Variants in CCNT1 observed in about 807,000 individuals in gnomAD.
CCNT1 encodes the protein cyclin-T1.
In CCNT1, 18 loss-of-function variants were observed where a neutral mutation model predicts 67.3. The ratio of observed to expected loss-of-function variants is 0.27; its 90% CI spans 0.18 to 0.40. The LOEUF (loss-of-function observed/expected upper bound fraction) is 0.40. CCNT1 is among the 10% of genes least tolerant of loss of function. The pLI is 1.00. For synonymous variants in CCNT1, 333 were observed against 310.3 expected, an observed-to-expected ratio of 1.07 and a Z score of -0.77; for missense variants, 744 against 884.9, an observed-to-expected ratio of 0.84 and a Z score of 2.02.
chr12:48,696,231 C>A, intron 6 of CCNT1, 69 bp from the exon 7 acceptor site: 1 of 274,128 alleles, frequency 3.6e-6, no homozygotes. Context: ...CTAAAACTCT[C>A]CATTATTTAA....
chr12:48,702,806 G>A (rs545831364), intron 3 of CCNT1, among the ~76,000 whole-genome samples: 22 of 151,864 alleles, frequency 1.4e-4, no homozygotes, highest in African/African-American at 5.3e-4. Context: ...GACAGAGCGA[G>A]ACTCCATCTC....
At chr12:48,698,733 G>A (rs1324176145) in intron 5 of CCNT1, among the ~76,000 whole-genome samples, 5 of 152,164 alleles carry the variant, frequency 3.3e-5, no homozygotes, top group South Asian at 2.1e-4. Flanking sequence ...CGAGGTGGGC[G>A]GATCACCTGA....
intron 3 of CCNT1, among the ~76,000 whole-genome samples, chr12:48,701,959 C>T (rs376010980): frequency 1.8e-4 from 27 of 150,034 alleles, no homozygotes; most frequent in South Asian, 2.1e-4. Flanking sequence ...TGCAGTGGCG[C>T]GACCTCGCCT....
At chr12:48,699,231 C>T (rs1334408258) in intron 5 of CCNT1, among the ~76,000 whole-genome samples, 2 of 152,024 alleles carry the variant, frequency 1.3e-5, no homozygotes, top group African/African-American at 4.8e-5. Context: ...TCACAGGAAA[C>T]ACATATTAGT....
rs186152414 is a variant in CCNT1 at position 48,689,770 on chromosome 12, G to A, written c.*3263C>T. The A allele has an allele frequency of 2.1e-4, 32 of 152,216 alleles. No individual in the cohort carries two copies. Among genetic ancestry groups the A allele is most frequent in the Admixed American group, 5.2e-4 (8 of 15,286 alleles). 9.4% of individuals were successfully genotyped at this position (152,216 alleles called of 1,614,324 possible). Reference sequence around the variant, plus strand: ...GGCCCCTCTACAATTGCCTTTACTTGGAAGCCATGTATGTGGAGGAGTATG... The same window carrying A: ...GGCCCCTCTACAATTGCCTTTACTTAGAAGCCATGTATGTGGAGGAGTATG... On this transcript the variant is annotated 3_prime_UTR_variant, in exon 9 of 9. Transcript: ENST00000261900.
At chr12:48,714,366 A>G (rs1245385547) in intron 2 of CCNT1, 77 bp downstream of exon 2, 6 of 913,170 alleles carry the variant, frequency 6.6e-6, no homozygotes, top group Non-Finnish European at 1.1e-5. Flanking sequence ...GTTCAGTAGC[A>G]AAGACCAACC....
At chr12:48,695,707 G>A (rs1018376190) in intron 8 of CCNT1, 52 bp downstream of exon 8, 7 of 1,205,210 alleles carry the variant, frequency 5.8e-6, no homozygotes, top group Non-Finnish European at 8.6e-6. Context: ...ATTCACTGGT[G>A]CAGTCAAAAG....
Position 48,692,937 on chromosome 12 carries a change from G to T in CCNT1, c.*96C>A. ...TCAATTTATTCCCTAGTCCAAGGATGACATATTTCATAAGTAATTTTCTTA... is the reference window on the plus strand; with the variant it reads ...TCAATTTATTCCCTAGTCCAAGGATTACATATTTCATAAGTAATTTTCTTA... On this transcript the variant is annotated 3_prime_UTR_variant, in exon 9 of 9. Coordinates refer to ENST00000261900, the MANE Select transcript of CCNT1 (RefSeq NM_001240.4). The T allele has an allele frequency of 1.3e-6, 1 of 787,298 alleles. No individual in the cohort carries two copies. The highest frequency in any genetic ancestry group is 2.0e-6 in the Non-Finnish European group (1 of 503,716). The allele number at this position is 787,298 out of a possible 1,614,324, so 48.8% of individuals were successfully genotyped here.
At chr12:48,707,887 G>A (rs914339340) in intron 2 of CCNT1, among the ~76,000 whole-genome samples, 1 of 151,682 alleles carries the variant, frequency 6.6e-6, no homozygotes, top group African/African-American at 2.4e-5. Context: ...GTGAAACCCC[G>A]TCTCTACTAA....
intron 2 of CCNT1, among the ~76,000 whole-genome samples, chr12:48,707,592 A>G (rs1940381853): frequency 6.7e-6 from 1 of 149,058 alleles, no homozygotes; most frequent in South Asian, 2.1e-4. Context: ...GATTCTTAAC[A>G]AGAGTGACAC....
intron 2 of CCNT1, among the ~76,000 whole-genome samples, chr12:48,707,422 A>G (rs1940379151): frequency 6.6e-6 from 1 of 151,740 alleles, no homozygotes. Context: ...AGCTGGGATC[A>G]CAGGCACACG....
intron 6 of CCNT1, among the ~76,000 whole-genome samples, chr12:48,696,902 G>A (rs767080002): frequency 1.3e-5 from 2 of 152,032 alleles, no homozygotes; most frequent in Non-Finnish European, 2.9e-5. Flanking sequence ...GGGCAATCTC[G>A]GCTCACAGCA....
At chr12:48,705,737 A>C in intron 3 of CCNT1, 31 bp downstream of exon 3, 1 of 1,577,614 alleles carries the variant, frequency 6.3e-7, no homozygotes, top group Non-Finnish European at 8.6e-7. Flanking sequence ...GAAAAAAATT[A>C]AGAAAAACAG....
rs1940031376 is a variant in CCNT1, at chr12:48,689,077, A to G, written c.*3956T>C. The stretch of plus-strand genomic sequence containing the variant: ...GAAGGACATACTTGCTCTGGCTTCA[A>G]TTAGCATGCTGTCAAGCATCCCTCT... On this transcript the variant is annotated 3_prime_UTR_variant, in exon 9 of 9. Coordinates refer to ENST00000261900, the MANE Select transcript of CCNT1 (RefSeq NM_001240.4). The G allele has an allele frequency of 6.6e-6, 1 of 152,212 alleles. No homozygotes were observed. Among genetic ancestry groups the G allele is most frequent in the African/African-American group, 2.4e-5 (1 of 41,460 alleles). 9.4% of individuals were successfully genotyped at this position (152,212 alleles called of 1,614,324 possible). A position where few individuals can be genotyped will look rare whatever the true frequency, so the allele number is the denominator to read the frequency against.
chr12:48,698,286 T>A, intron 5 of CCNT1, 103 bp from the exon 6 acceptor site: 1 of 808,554 alleles, frequency 1.2e-6, no homozygotes, highest in Non-Finnish European at 1.9e-6. Context: ...TGCAAGGTAC[T>A]GTGAATATAG....
Position 48,693,455 on chromosome 12 carries a change from G to C in CCNT1, c.1759C>G (p.His587Asp). The change falls in exon 9 of 9, where the codon CAT becomes GAT. Residue 587 changes from histidine to aspartate, a missense_variant. By Grantham distance (81) the His-to-Asp change is moderately conservative. Around this residue, in one of 3 missense-constraint regions of CCNT1, gnomAD observed 564 missense variants for 574.2 expected, o/e 0.98. Transcript: ENST00000261900. ...SEETGGAVFD[H>D]PAKIAKSTKS... ...GTACTCTTGGCAATCTTGGCTGGAT[G>C]ATCAAACACAGCCCCTCCAGTCTCT... 6.2e-7 allele frequency: 1 copy of C among 1,614,220 alleles called. No homozygotes were observed. Among genetic ancestry groups the C allele is most frequent in the East Asian group, 2.2e-5 (1 of 44,888 alleles).
At chr12:48,710,955 G>A (rs10875862) in intron 2 of CCNT1, among the ~76,000 whole-genome samples, 41,834 of 151,872 alleles carry the variant, frequency 0.28, 6,995 homozygotes, top group East Asian at 0.76. Context: ...CAGCTACTCG[G>A]GAGGCTGAGA....
intron 3 of CCNT1, among the ~76,000 whole-genome samples, chr12:48,705,471 C>T (rs1940341636): frequency 6.6e-6 from 1 of 150,812 alleles, no homozygotes; most frequent in Non-Finnish European, 1.5e-5. Flanking sequence ...CAGGGTCTTG[C>T]TATGTTGTCC....
chr12:48,704,501 T>C (rs1048080905), intron 3 of CCNT1, among the ~76,000 whole-genome samples: 2 of 152,094 alleles, frequency 1.3e-5, no homozygotes, highest in Admixed American at 1.3e-4. Context: ...GATGGGACCA[T>C]CTAGTTGCAG....
Sources: gnomAD v4.1 joint callset for allele counts (sites outside exome capture counted in the v4.1 genomes callset) on GRCh38, gnomAD v4.1.1 for gene constraint, gnomAD v4.1.1 regional missense constraint, MANE v1.5 for transcripts, NCBI Gene and HGNC (gene_info 2026-07-23, HGNC 2026-07-21) for gene names.